The following RFX3 variants were observed in gnomAD, a reference collection of about 807,000 sequenced individuals.
The protein encoded by RFX3 is transcription factor RFX3.
A neutral mutation model predicts 98.6 loss-of-function variants in RFX3; 14 were observed. That is an observed-to-expected ratio of 0.14 (90% CI 0.09 to 0.22). The LOEUF (loss-of-function observed/expected upper bound fraction) is 0.22. Among genes scored for constraint, RFX3 ranks in the 10% least tolerant of loss-of-function variants. RFX3 has a pLI of 1.00. For missense variants in RFX3, 639 were observed against 926.9 expected, an observed-to-expected ratio of 0.69 and a Z score of 4.03; for synonymous variants, 383 against 328.4, an observed-to-expected ratio of 1.17 and a Z score of -1.80.
In RFX3 at chr9:3,301,537, G is replaced by A. The variant is rs1187774826; in HGVS notation, c.549+9C>T. The A allele has an allele frequency of 1.9e-6, 3 of 1,587,540 alleles. No individual in the cohort carries two copies. Among genetic ancestry groups the A allele is most frequent in the Admixed American group, 1.7e-5 (1 of 59,628 alleles). On this transcript the variant is annotated intron_variant, in intron 5 of 16. Coordinates refer to ENST00000617270, the MANE Select transcript of RFX3 (RefSeq NM_001282116.2). ...AGAGATTAGTGTACATGAAGAAGAG[G>A]CAACTTACATGGCTGTTGAGAAGAG... is the stretch of plus-strand genomic sequence containing the variant.
chr9:3,451,495 G>A (rs757770392), intron 1 of RFX3, among the ~76,000 whole-genome samples: 14 of 152,186 alleles, frequency 9.2e-5, no homozygotes, highest in Non-Finnish European at 1.5e-4. Flanking sequence ...AGTGAGCTAC[G>A]ATTACGCCAC....
intron 1 of RFX3, among the ~76,000 whole-genome samples, chr9:3,480,315 T>A (rs1849628730): frequency 6.6e-6 from 1 of 152,238 alleles, no homozygotes; most frequent in African/African-American, 2.4e-5. Flanking sequence ...CCATGTGGCC[T>A]CTTTTCCACT....
intron 5 of RFX3, among the ~76,000 whole-genome samples, chr9:3,293,939 T>G (rs1274240076): frequency 1.3e-5 from 2 of 152,144 alleles, no homozygotes; most frequent in African/African-American, 2.4e-5. Flanking sequence ...CTCAAAACTG[T>G]GTTTATTCAT....
At chr9:3,441,478 C>G (rs1845606039) in intron 1 of RFX3, among the ~76,000 whole-genome samples, 1 of 152,094 alleles carries the variant, frequency 6.6e-6, no homozygotes, top group Non-Finnish European at 1.5e-5. Flanking sequence ...AGAACCAAGA[C>G]TCCTTTGAGA....
In RFX3 at chr9:3,504,953, T is replaced by TATTATATATAATATATATA. The variant is rs1405723730; in HGVS notation, c.-9+20793_-9+20794insTATATATATTATATATAAT. Among the ~76,000 whole-genome samples the TATTATATATAATATATATA allele has an allele frequency of 3.3e-4, 16 of 48,304 alleles. No individual in the cohort carries two copies. In the Admixed American group the frequency reaches 4.7e-3, roughly 14 times the overall value. 31.7% of individuals were successfully genotyped at this position (48,304 alleles called of 152,430 possible). On this transcript the variant is annotated intron_variant, in intron 1 of 16. Transcript: ENST00000617270. ...TATATATAATATATATAATATAATATATATTATATATAATATATATTATAT... is the reference window on the plus strand; with the variant it reads ...TATATATAATATATATAATATAATATATTATATATAATATATATAATATTATATATAATATATATTATAT...
At chr9:3,252,856 A>G (rs1563805253) in intron 14 of RFX3, among the ~76,000 whole-genome samples, 1 of 152,240 alleles carries the variant, frequency 6.6e-6, no homozygotes, top group Admixed American at 6.5e-5. Flanking sequence ...AAATACTGAC[A>G]TGTATGTCAT....
At chr9:3,358,850 A>G (rs1836075601) in intron 2 of RFX3, among the ~76,000 whole-genome samples, 1 of 152,078 alleles carries the variant, frequency 6.6e-6, no homozygotes, top group African/African-American at 2.4e-5. Flanking sequence ...CAGGAAGAAG[A>G]AAGAATGCCA....
At chr9:3,467,007 G>A (rs1455044100) in intron 1 of RFX3, among the ~76,000 whole-genome samples, 2 of 141,526 alleles carry the variant, frequency 1.4e-5, no homozygotes, top group Non-Finnish European at 3.0e-5. Context: ...AGAGAAAGCT[G>A]ATATACCTAA....
At chr9:3,505,282 ACAT>A (rs1816887784) in intron 1 of RFX3, among the ~76,000 whole-genome samples, 8 of 69,606 alleles carry the variant, frequency 1.1e-4, no homozygotes, top group African/African-American at 4.4e-4. Flanking sequence ...ATGAATATAT[ACAT>A]TTTTATATTT....
chr9:3,227,011 A>G (rs1309375820), intron 16 of RFX3, among the ~76,000 whole-genome samples: 1 of 152,146 alleles, frequency 6.6e-6, no homozygotes, highest in Non-Finnish European at 1.5e-5. Flanking sequence ...TTCAGTCTTT[A>G]GGTCCTGAGT....
chr9:3,467,998 C>T (rs903746198), intron 1 of RFX3, among the ~76,000 whole-genome samples: 5 of 152,160 alleles, frequency 3.3e-5, no homozygotes, highest in African/African-American at 1.2e-4. Flanking sequence ...TTTTTGAGTA[C>T]TTCTGAAAGA....
At chr9:3,378,883 T>G (rs924772775) in intron 2 of RFX3, among the ~76,000 whole-genome samples, 7 of 152,152 alleles carry the variant, frequency 4.6e-5, no homozygotes, top group Non-Finnish European at 1.0e-4. Context: ...GTAAGTCTTG[T>G]TGCACTAACC....
chr9:3,389,406 G>T (rs1218903602), intron 2 of RFX3, among the ~76,000 whole-genome samples: 1 of 152,094 alleles, frequency 6.6e-6, no homozygotes, highest in African/African-American at 2.4e-5. Flanking sequence ...AAGATGATAG[G>T]ATGGGTAATA....
chr9:3,481,836 G>A (rs1849790267), intron 1 of RFX3, among the ~76,000 whole-genome samples: 1 of 151,652 alleles, frequency 6.6e-6, no homozygotes, highest in South Asian at 2.1e-4. Context: ...AATTCAAATA[G>A]ATTTATTCAA....
At chr9:3,401,711 G>A (rs924446889) in intron 1 of RFX3, among the ~76,000 whole-genome samples, 23 of 152,198 alleles carry the variant, frequency 1.5e-4, no homozygotes, top group African/African-American at 4.1e-4. Context: ...TGTGTCATGA[G>A]CAACAGATGC....
intron 2 of RFX3, among the ~76,000 whole-genome samples, chr9:3,393,837 G>A (rs772290646): frequency 1.4e-4 from 21 of 152,174 alleles, no homozygotes; most frequent in Non-Finnish European, 2.8e-4. Flanking sequence ...AGGAGAGAGG[G>A]TGGGAAGGGG....
chr9:3,255,821 G>A (rs559885563), intron 14 of RFX3, among the ~76,000 whole-genome samples: 3 of 151,990 alleles, frequency 2.0e-5, no homozygotes, highest in Admixed American at 6.5e-5. Context: ...AAAAATACAC[G>A]TTTCTATCTA....
chr9:3,508,865 C>G (rs1173279337), intron 1 of RFX3, among the ~76,000 whole-genome samples: 1 of 151,796 alleles, frequency 6.6e-6, no homozygotes, highest in Non-Finnish European at 1.5e-5. Context: ...AAATAATTAA[C>G]AGGGTTAGGG....
chr9:3,242,284 C>G (rs1820041942), intron 15 of RFX3, among the ~76,000 whole-genome samples: 1 of 152,140 alleles, frequency 6.6e-6, no homozygotes, highest in Non-Finnish European at 1.5e-5. Context: ...GGCACAAGGC[C>G]TGCCCTCAAT....
Sources: allele counts gnomAD v4.1 joint callset (sites outside exome capture counted in the v4.1 genomes callset), GRCh38; gene constraint gnomAD v4.1.1; transcripts MANE v1.5; gene names NCBI Gene and HGNC (gene_info 2026-07-23, HGNC 2026-07-21).